Variants in ANO10 observed in about 807,000 individuals in gnomAD.
The protein encoded by ANO10 is anoctamin-10.
Under a neutral mutation model 74.7 loss-of-function variants are expected in ANO10, and 77 were observed. The observed-to-expected ratio is 1.03, with a 90% CI of 0.86 to 1.25. ANO10 has a LOEUF of 1.25. ANO10 is among the 50% of genes most tolerant of loss of function. The probability of loss-of-function intolerance (pLI) is 0.00; values close to 1 mark genes in which losing one functional copy is unlikely to be tolerated. For missense variants in ANO10, 721 were observed against 778.1 expected (o/e 0.93, Z 0.87); for synonymous variants, 279 against 284.9 (o/e 0.98, Z 0.21).
chr3:43,453,287 G>T (rs1179131957), intron 11 of ANO10, among the ~76,000 whole-genome samples: 6 of 148,666 alleles, frequency 4.0e-5, no homozygotes, highest in African/African-American at 1.5e-4. Flanking sequence ...TCACGTCATT[G>T]TTCTGCCTCA....
intron 1 of ANO10, among the ~76,000 whole-genome samples, chr3:43,639,265 G>A (rs992486772): frequency 6.6e-6 from 1 of 152,180 alleles, no homozygotes; most frequent in Non-Finnish European, 1.5e-5. Context: ...TGAAAGGGGC[G>A]TCAAAGAATT....
chr3:43,393,776 C>T (rs2092323303), intron 12 of ANO10, among the ~76,000 whole-genome samples: 1 of 152,076 alleles, frequency 6.6e-6, no homozygotes, highest in African/African-American at 2.4e-5. Flanking sequence ...CAAGCAAAAC[C>T]CTCCTGTTAC....
At chr3:43,382,771 C>T (rs1254565931) in intron 12 of ANO10, among the ~76,000 whole-genome samples, 1 of 152,204 alleles carries the variant, frequency 6.6e-6, no homozygotes, top group Admixed American at 6.5e-5. Context: ...ACTAGGAAAC[C>T]TAGAGGAGAC....
At chr3:43,541,129 C>T (rs1447715399) in intron 11 of ANO10, among the ~76,000 whole-genome samples, 1 of 152,146 alleles carries the variant, frequency 6.6e-6, no homozygotes, top group Admixed American at 6.5e-5. Flanking sequence ...AACTCATGCT[C>T]AACAATGGGA....
At chr3:43,428,194 T>A (rs1378640465) in intron 12 of ANO10, among the ~76,000 whole-genome samples, 1 of 151,864 alleles carries the variant, frequency 6.6e-6, no homozygotes, top group Non-Finnish European at 1.5e-5. Flanking sequence ...GGATTACAGG[T>A]GTGTGCCACC....
chr3:43,513,087 G>A (rs914757807), intron 11 of ANO10, among the ~76,000 whole-genome samples: 1 of 152,178 alleles, frequency 6.6e-6, no homozygotes, highest in Admixed American at 6.5e-5. Flanking sequence ...TCTCCCTCAA[G>A]TTTTCAGTAG....
At chr3:43,549,697 A>G (rs2079367002) in intron 11 of ANO10, 23 bp downstream of exon 11, 2 of 1,613,398 alleles carry the variant, frequency 1.2e-6, no homozygotes, top group Admixed American at 1.7e-5. Flanking sequence ...TACTGCTTAA[A>G]ATAAGTTTAA....
In ANO10 at chr3:43,448,873, C is replaced by CTTTTT. The variant is rs35711363; in HGVS notation, c.1798-16151_1798-16147dup. 1.3e-3 allele frequency among the ~76,000 whole-genome samples: 181 copies of CTTTTT among 134,218 alleles called. 2 individuals are homozygous for CTTTTT. Among genetic ancestry groups the CTTTTT allele is most frequent in the Non-Finnish European group, 2.5e-3 (160 of 63,362 alleles). The allele number at this position is 134,218 out of a possible 152,430, so 88.1% of individuals were successfully genotyped here. ...GTTTTCTTTCTTTCTTTCTTTCTTT[C>CTTTTT]TTTTTTTTTTTTTTTGGAGACAGAG... On this transcript the variant is annotated intron_variant, in intron 11 of 12. Transcript: ENST00000292246.
chr3:43,406,192 C>T (rs2092572413), intron 12 of ANO10, among the ~76,000 whole-genome samples: 1 of 152,178 alleles, frequency 6.6e-6, no homozygotes, highest in Non-Finnish European at 1.5e-5. Context: ...TGCCATCTTC[C>T]AGCACCTCGG....
intron 11 of ANO10, among the ~76,000 whole-genome samples, chr3:43,533,584 T>C (rs2078567628): frequency 6.6e-6 from 1 of 152,232 alleles, no homozygotes; most frequent in Admixed American, 6.5e-5. Flanking sequence ...TCCTTAGCTT[T>C]GACCCCAGTC....
At chr3:43,524,376 C>G (rs1028374865) in intron 11 of ANO10, among the ~76,000 whole-genome samples, 1 of 15,314 alleles carries the variant, frequency 6.5e-5, no homozygotes, top group African/African-American at 1.4e-4. Context: ...CCCTACCCTA[C>G]CTTTCCCATG....
rs552539243 is a variant in ANO10, at chr3:43,491,422, G to A, written c.1797+58298C>T. ...CCAGCTACTAAGGAGGCTGCGGCAC[G>A]AGAATCGCTTGAACCAGGGAGGTGG... On this transcript the variant is annotated intron_variant, in intron 11 of 12. Coordinates refer to ENST00000292246, the MANE Select transcript of ANO10 (RefSeq NM_018075.5). Among the ~76,000 whole-genome samples the A allele has an allele frequency of 9.2e-5, 14 of 152,266 alleles. No individual in the cohort carries two copies. In the East Asian group the frequency reaches 2.3e-3, roughly 25 times the overall value.
intron 11 of ANO10, among the ~76,000 whole-genome samples, chr3:43,458,692 C>G (rs1171359644): frequency 6.6e-6 from 1 of 152,114 alleles, no homozygotes; most frequent in Non-Finnish European, 1.5e-5. Flanking sequence ...GCTGAACGTG[C>G]AGGTTTGTTA....
intron 11 of ANO10, among the ~76,000 whole-genome samples, chr3:43,480,367 G>A (rs1442605886): frequency 1.3e-5 from 2 of 152,178 alleles, no homozygotes; most frequent in African/African-American, 4.8e-5. Context: ...CCCTCTGATC[G>A]AGGAGACCAC....
chr3:43,453,380 T>C (rs1453840100), intron 11 of ANO10, among the ~76,000 whole-genome samples: 1 of 152,050 alleles, frequency 6.6e-6, no homozygotes. Context: ...GGGGTTTCAC[T>C]GTGTTAGCCA....
At chr3:43,438,472 T>C (rs11717380) in intron 11 of ANO10, among the ~76,000 whole-genome samples, 28,271 of 150,808 alleles carry the variant, frequency 0.19, 3,160 homozygotes, top group Middle Eastern at 0.37. Flanking sequence ...CAGCCAGGCA[T>C]GGTGGCTCAC....
chr3:43,680,654 A>G (rs1266621184), intron 1 of ANO10, among the ~76,000 whole-genome samples: 1 of 152,214 alleles, frequency 6.6e-6, no homozygotes, highest in Non-Finnish European at 1.5e-5. Context: ...GTCGAAATGA[A>G]GGAAAAAATG....
At chr3:43,383,501 T>C (rs868519066) in intron 12 of ANO10, among the ~76,000 whole-genome samples, 152 of 151,112 alleles carry the variant, frequency 1.0e-3, no homozygotes, top group Middle Eastern at 3.4e-3. Context: ...TCAAGTGGGT[T>C]CCATACCAGG....
chr3:43,598,855 T>G (rs1559762695), intron 3 of ANO10, among the ~76,000 whole-genome samples, 189 bp from the exon 4 acceptor site: 1 of 152,222 alleles, frequency 6.6e-6, no homozygotes, highest in Admixed American at 6.5e-5. Context: ...AAAATTCTGT[T>G]ATGCCTTCAC....
Sources: gnomAD v4.1 joint callset for allele counts (sites outside exome capture counted in the v4.1 genomes callset) on GRCh38, gnomAD v4.1.1 for gene constraint, MANE v1.5 for transcripts, NCBI Gene and HGNC (gene_info 2026-07-23, HGNC 2026-07-21) for gene names.